LYRM4: variants seen among roughly 807,000 people sequenced by gnomAD.
LYRM4 encodes the protein LYR motif-containing protein 4.
Under a neutral mutation model 11.7 loss-of-function variants are expected in LYRM4, and 9 were observed. The ratio of observed to expected loss-of-function variants is 0.77; its 90% CI spans 0.46 to 1.34. The LOEUF is 1.34. Among genes scored for constraint, LYRM4 ranks in the 40% most tolerant of loss-of-function variants. LYRM4 has a pLI of 0.00. For synonymous variants in LYRM4, 42 were observed against 40.4 expected, an observed-to-expected ratio of 1.04 and a Z score of -0.15; for missense variants, 133 against 112.5, an observed-to-expected ratio of 1.18 and a Z score of -0.82.
intron 1 of LYRM4, among the ~76,000 whole-genome samples, chr6:5,232,316 G>C (rs1200801863): frequency 1.3e-5 from 2 of 152,188 alleles, no homozygotes; most frequent in African/African-American, 4.8e-5. Context: ...AAAACTGCCT[G>C]CTTGACTGGA....
chr6:5,200,978 T>C (rs1282666927), intron 2 of LYRM4, among the ~76,000 whole-genome samples: 2 of 152,250 alleles, frequency 1.3e-5, no homozygotes, highest in African/African-American at 4.8e-5. Context: ...ATTCCAAGTG[T>C]ACTGTAATGT....
intron 1 of LYRM4, among the ~76,000 whole-genome samples, chr6:5,239,616 A>G (rs1763753483): frequency 6.6e-6 from 1 of 152,082 alleles, no homozygotes; most frequent in African/African-American, 2.4e-5. Context: ...GAAGCTGGAG[A>G]CTGGTTAATT....
intron 2 of LYRM4, among the ~76,000 whole-genome samples, chr6:5,161,481 A>G (rs922258691): frequency 2.0e-5 from 3 of 152,256 alleles, no homozygotes; most frequent in African/African-American, 7.2e-5. Context: ...AGCATTTGGA[A>G]TAACTTATGA....
At chr6:5,144,019 A>G in intron 2 of LYRM4, 1 of 1,196,874 alleles carries the variant, frequency 8.4e-7, no homozygotes, top group Non-Finnish European at 1.1e-6. Flanking sequence ...AGGCTCAAAG[A>G]AGCCCCTGAC....
chr6:5,231,884 A>G (rs2127743384), intron 1 of LYRM4, among the ~76,000 whole-genome samples: 1 of 152,340 alleles, frequency 6.6e-6, no homozygotes, highest in Non-Finnish European at 1.5e-5. Context: ...TCCATGCATT[A>G]CATAATTTAT....
the LYRM4 span, chr6:5,086,260 T>A: frequency 1.3e-6 from 2 of 1,535,462 alleles, no homozygotes; most frequent in South Asian, 1.2e-5. Context: ...CGAGTGGCGC[T>A]CCTTCCTGGA....
chr6:5,042,176 G>A, the LYRM4 span, among the ~76,000 whole-genome samples: 26 of 152,204 alleles, frequency 1.7e-4, no homozygotes, highest in African/African-American at 6.3e-4. Flanking sequence ...GTTTAAACAG[G>A]AACTATTGGC....
At chr6:5,178,257 T>C (rs542591508) in intron 2 of LYRM4, among the ~76,000 whole-genome samples, 37 of 152,240 alleles carry the variant, frequency 2.4e-4, no homozygotes, top group Middle Eastern at 3.4e-3. Flanking sequence ...GAGTCAAGTA[T>C]GAAGAAAGAG....
At chr6:5,242,908 G>A (rs1159063417) in intron 1 of LYRM4, among the ~76,000 whole-genome samples, 1 of 150,996 alleles carries the variant, frequency 6.6e-6, no homozygotes, top group African/African-American at 2.4e-5. Flanking sequence ...CCAGTAGCTG[G>A]GACTACAGGC....
intron 1 of LYRM4, among the ~76,000 whole-genome samples, chr6:5,255,056 T>C (rs893568795): frequency 6.6e-6 from 1 of 152,148 alleles, no homozygotes; most frequent in Admixed American, 6.5e-5. Flanking sequence ...GGATATTGCT[T>C]AGACAAGCCA....
At chr6:5,091,546 T>G in the LYRM4 span, among the ~76,000 whole-genome samples, 1 of 152,230 alleles carries the variant, frequency 6.6e-6, no homozygotes, top group Non-Finnish European at 1.5e-5. Flanking sequence ...GACATTGCAT[T>G]TGCTTTTTGT....
At chr6:5,172,398 T>C (rs192867427) in intron 2 of LYRM4, among the ~76,000 whole-genome samples, 10 of 152,310 alleles carry the variant, frequency 6.6e-5, no homozygotes, top group Non-Finnish European at 1.3e-4. Flanking sequence ...GAGGAAGCTC[T>C]GGACTGTCCA....
chr6:5,045,950 C>T, the LYRM4 span, among the ~76,000 whole-genome samples: 1 of 152,150 alleles, frequency 6.6e-6, no homozygotes, highest in African/African-American at 2.4e-5. Flanking sequence ...AGCAGGACAT[C>T]GTGCTGCTTA....
Position 5,187,120 on chromosome 6 carries a change from C to T in LYRM4, c.207+29498G>A, listed in dbSNP as rs556681892. The T allele has an allele frequency of 6.9e-5, 48 of 695,134 alleles. 2 individuals carry two copies. The South Asian group carries it at 2.7e-3, about 39-fold the overall frequency. 43.1% of individuals were successfully genotyped at this position (695,134 alleles called of 1,614,324 possible). A position where few individuals can be genotyped will look rare whatever the true frequency, so the allele number is the denominator to read the frequency against. ...ATAATATAGAAAAGAAATGCACATGCTAATAGCACAAAATATTCTTAACAT... is the reference window on the plus strand; with the variant it reads ...ATAATATAGAAAAGAAATGCACATGTTAATAGCACAAAATATTCTTAACAT... On this transcript the variant is annotated intron_variant, in intron 2 of 2. Transcript: ENST00000330636.
chr6:5,035,470 C>T, the LYRM4 span, among the ~76,000 whole-genome samples: 2 of 150,772 alleles, frequency 1.3e-5, no homozygotes, highest in Non-Finnish European at 3.0e-5. Context: ...ATCGCAGCAG[C>T]GGGATCCGTC....
chr6:5,123,353 G>A (rs1016619490), intron 2 of LYRM4, among the ~76,000 whole-genome samples: 2 of 152,224 alleles, frequency 1.3e-5, no homozygotes, highest in African/African-American at 4.8e-5. Context: ...AGTCAGCAGT[G>A]GTGGGACAGG....
chr6:5,049,136 C>T, the LYRM4 span, among the ~76,000 whole-genome samples: 16 of 152,218 alleles, frequency 1.1e-4, no homozygotes, highest in East Asian at 2.5e-3. Context: ...TGGGCATGAC[C>T]GCTGTGAGAC....
At chr6:5,122,010 T>C (rs1023146635) in intron 2 of LYRM4, among the ~76,000 whole-genome samples, 17 of 152,114 alleles carry the variant, frequency 1.1e-4, no homozygotes, top group African/African-American at 4.1e-4. Context: ...ATTTTACTCC[T>C]CCAGGGACAC....
intron 2 of LYRM4, among the ~76,000 whole-genome samples, chr6:5,204,362 G>T (rs576846500): frequency 6.6e-6 from 1 of 152,168 alleles, no homozygotes; most frequent in Non-Finnish European, 1.5e-5. Flanking sequence ...CTCAAGTAAA[G>T]GAGGAGTTTT....
Sources: gnomAD v4.1 joint callset for allele counts (sites outside exome capture counted in the v4.1 genomes callset) on GRCh38, gnomAD v4.1.1 for gene constraint, MANE v1.5 for transcripts, NCBI Gene and HGNC (gene_info 2026-07-23, HGNC 2026-07-21) for gene names.